CUL1: variants seen among roughly 807,000 people sequenced by gnomAD.
CUL1 encodes the protein cullin 1.
CUL1 carries 24 observed loss-of-function variants against 118.0 expected under a neutral mutation model. That is an observed-to-expected ratio of 0.20 (90% CI 0.15 to 0.29). The LOEUF is 0.29. Ranked by LOEUF, CUL1 falls within the 10% of genes least tolerant of loss-of-function variation. The pLI is 1.00. For synonymous variants in CUL1, 332 were observed against 340.4 expected (o/e 0.98, Z 0.27); for missense variants, 361 against 933.8 (o/e 0.39, Z 7.99).
At chr7:148,749,341 C>T (rs1311066914) in intron 2 of CUL1, among the ~76,000 whole-genome samples, 7 of 135,644 alleles carry the variant, frequency 5.2e-5, no homozygotes, top group Admixed American at 1.7e-4. Context: ...CACTTGAACC[C>T]GGGAGGCGGA....
At chr7:148,714,618 C>CTT (rs2129459107) in intron 1 of CUL1, among the ~76,000 whole-genome samples, 1 of 152,238 alleles carries the variant, frequency 6.6e-6, no homozygotes, top group East Asian at 1.9e-4. Flanking sequence ...GGTTTGGAGT[C>CTT]TGTCTGTCTT....
chr7:148,732,523 TC>T (rs1396460220), intron 2 of CUL1, among the ~76,000 whole-genome samples: 17 of 151,626 alleles, frequency 1.1e-4, no homozygotes, highest in Middle Eastern at 3.4e-3. Context: ...TTTTTTTTTT[TC>T]CTAGAGACTT....
upstream of CUL1, chr7:148,698,211 A>T (rs1433794338): frequency 6.6e-6 from 1 of 152,096 alleles, no homozygotes; most frequent in Non-Finnish European, 1.5e-5. Context: ...GCCACCTCTG[A>T]CTTTCTGATC....
rs544140639 is a variant in CUL1 at position 148,770,460 on chromosome 7, ACT to A, written c.1083+2714_1083+2715del. Among the ~76,000 whole-genome samples the A allele has an allele frequency of 1.5e-4, 23 of 152,280 alleles. 1 individual carries two copies. Among genetic ancestry groups the A allele is most frequent in the South Asian group, 1.0e-3 (5 of 4,822 alleles). On this transcript the variant is annotated intron_variant, in intron 9 of 21. Transcript: ENST00000325222. ...ACTGTTTCTACATTGAACTCATGAAACTCTGAGTTTTTTAATTGTTGTGCTTA... is the reference window on the plus strand; with the variant it reads ...ACTGTTTCTACATTGAACTCATGAAACTGAGTTTTTTAATTGTTGTGCTTA...
chr7:148,759,281 A>G (rs1340033976), intron 4 of CUL1, 23 bp from the exon 5 acceptor site: 2 of 1,608,460 alleles, frequency 1.2e-6, no homozygotes, highest in Non-Finnish European at 1.7e-6. Flanking sequence ...AAGTATAGAC[A>G]TTTTGTACTT....
In CUL1 at chr7:148,782,209, A is replaced by G. The variant is rs560850829; in HGVS notation, c.1084-1574A>G. On this transcript the variant is annotated intron_variant, in intron 9 of 21. Coordinates refer to ENST00000325222, the MANE Select transcript of CUL1 (RefSeq NM_003592.3). ...ATCTGAATTGGCAGAAGCAATATCT[A>G]TTTCAGTGACAAAACCACAATTAGG... Among the ~76,000 whole-genome samples the G allele has an allele frequency of 8.5e-5, 13 of 152,358 alleles. No individual in the cohort carries two copies. In the South Asian group the frequency reaches 1.2e-3, roughly 15 times the overall value.
intron 9 of CUL1, among the ~76,000 whole-genome samples, chr7:148,769,889 A>G (rs929338666): frequency 6.6e-6 from 1 of 152,212 alleles, no homozygotes; most frequent in African/African-American, 2.4e-5. Flanking sequence ...AGAAAAAAAA[A>G]GCATTATAAA....
At chr7:148,763,767 TACTC>T (rs1486112805) in intron 7 of CUL1, among the ~76,000 whole-genome samples, 3 of 152,216 alleles carry the variant, frequency 2.0e-5, no homozygotes, top group Non-Finnish European at 2.9e-5. Flanking sequence ...TGGCAAATCT[TACTC>T]AATAACTTAG....
chr7:148,756,972 CTT>C lies in CUL1; in HGVS notation c.316-10_316-9del. On this transcript the variant is annotated splice_polypyrimidine_tract_variant and intron_variant, in intron 3 of 21. Coordinates refer to ENST00000325222, the MANE Select transcript of CUL1 (RefSeq NM_003592.3). Reference sequence around the variant, plus strand: ...TTAGTCATCTTAAAGCTTTAGTTAACTTGTTTTTAGGATGGAGAAGATTTGAT... The same window carrying C: ...TTAGTCATCTTAAAGCTTTAGTTAACGTTTTTAGGATGGAGAAGATTTGAT... The C allele has an allele frequency of 6.4e-7, 1 of 1,558,622 alleles. No individual in the cohort carries two copies. Among genetic ancestry groups the C allele is most frequent in the Non-Finnish European group, 8.7e-7 (1 of 1,151,908 alleles).
intron 1 of CUL1, among the ~76,000 whole-genome samples, chr7:148,719,787 G>A (rs966749232): frequency 2.6e-5 from 4 of 152,228 alleles, no homozygotes; most frequent in East Asian, 1.9e-4. Flanking sequence ...CAGTTTGGAC[G>A]TGTCATTACG....
intron 2 of CUL1, among the ~76,000 whole-genome samples, chr7:148,734,621 G>C (rs772799285): frequency 6.6e-6 from 1 of 152,174 alleles, no homozygotes; most frequent in Non-Finnish European, 1.5e-5. Flanking sequence ...CTTTCCTTTT[G>C]AATTTGAAAT....
intron 1 of CUL1, among the ~76,000 whole-genome samples, chr7:148,729,276 C>T (rs1798679598): frequency 6.6e-6 from 1 of 152,058 alleles, no homozygotes; most frequent in East Asian, 1.9e-4. Flanking sequence ...CTCTGCATAT[C>T]CATTTGAGGA....
chr7:148,792,860 T>C, intron 17 of CUL1, 42 bp downstream of exon 17: 1 of 1,416,488 alleles, frequency 7.1e-7, no homozygotes, highest in South Asian at 1.2e-5. Context: ...GCTTGCCGTT[T>C]CCTTGTTCTC....
intron 16 of CUL1, among the ~76,000 whole-genome samples, chr7:148,791,602 G>A (rs941148731): frequency 2.0e-5 from 3 of 152,212 alleles, no homozygotes; most frequent in East Asian, 3.8e-4. Flanking sequence ...AGCCCGGAGC[G>A]GGCCCAATAG....
intron 11 of CUL1, among the ~76,000 whole-genome samples, chr7:148,786,108 C>T (rs1800806031): frequency 6.6e-6 from 1 of 152,152 alleles, no homozygotes; most frequent in Non-Finnish European, 1.5e-5. Flanking sequence ...CAGAGGGCAG[C>T]AGTTTAGTAG....
intron 1 of CUL1, among the ~76,000 whole-genome samples, chr7:148,704,929 A>G (rs575920912): frequency 1.3e-5 from 2 of 152,326 alleles, no homozygotes; most frequent in South Asian, 4.1e-4. Flanking sequence ...ACTTGCAAGG[A>G]AGACATTTCT....
intron 14 of CUL1, 94 bp from the exon 15 acceptor site, chr7:148,789,656 A>T: frequency 1.1e-6 from 1 of 885,920 alleles, no homozygotes; most frequent in South Asian, 1.5e-5. Context: ...AATAAAGAGC[A>T]ATCCACATTC....
intron 6 of CUL1, 131 bp from the exon 7 acceptor site, chr7:148,760,202 G>A (rs1282833303): frequency 4.7e-6 from 3 of 643,810 alleles, no homozygotes; most frequent in African/African-American, 3.7e-5. Context: ...GTGAGTAAGA[G>A]TTACTTATGT....
At chr7:148,755,514 G>A (rs2129460394) in intron 3 of CUL1, among the ~76,000 whole-genome samples, 1 of 152,334 alleles carries the variant, frequency 6.6e-6, no homozygotes, top group Non-Finnish European at 1.5e-5. Flanking sequence ...GTTGTGACTA[G>A]TGTATTATTT....
Sources: gnomAD v4.1 joint callset for allele counts (sites outside exome capture counted in the v4.1 genomes callset) on GRCh38, gnomAD v4.1.1 for gene constraint, MANE v1.5 for transcripts, NCBI Gene and HGNC (gene_info 2026-07-23, HGNC 2026-07-21) for gene names.